Variants in LY75 observed in about 807,000 individuals in gnomAD.
The protein encoded by LY75 is C-type lectin domain family 13 member B.
LY75 carries 185 observed loss-of-function variants against 231.7 expected under a neutral mutation model. The observed-to-expected ratio is 0.80, with a 90% confidence interval of 0.71 to 0.90. The LOEUF is 0.90. Ranked by LOEUF, LY75 falls within the 40% of genes least tolerant of loss-of-function variation. The pLI is 0.00. For missense variants in LY75, 1,947 were observed against 2,050.2 expected (o/e 0.95, Z 0.97); for synonymous variants, 668 against 689.0 (o/e 0.97, Z 0.48).
chr2:159,868,954 G>C (rs1316053260), intron 13 of LY75, among the ~76,000 whole-genome samples: 1 of 152,124 alleles, frequency 6.6e-6, no homozygotes, highest in Non-Finnish European at 1.5e-5. Flanking sequence ...ATACACCATG[G>C]AATACTATGC....
chr2:159,885,924 G>A (rs1314062894), intron 5 of LY75, among the ~76,000 whole-genome samples: 1 of 152,056 alleles, frequency 6.6e-6, no homozygotes, highest in Non-Finnish European at 1.5e-5. Flanking sequence ...TGGCTAAGTG[G>A]CATTTTGCTT....
At chr2:159,857,442 T>C (rs1312941300) in intron 16 of LY75, among the ~76,000 whole-genome samples, 1 of 152,238 alleles carries the variant, frequency 6.6e-6, no homozygotes, top group Non-Finnish European at 1.5e-5. Context: ...AGCCAATCTC[T>C]GCTTAAAAAT....
intron 23 of LY75, among the ~76,000 whole-genome samples, chr2:159,842,696 T>C (rs1263916596): frequency 6.6e-6 from 1 of 152,160 alleles, no homozygotes; most frequent in Non-Finnish European, 1.5e-5. Flanking sequence ...TTAATTCAAC[T>C]TATTAGATTT....
At chr2:159,865,009 A>C in intron 13 of LY75, 89 bp from the exon 14 acceptor site, 1 of 1,200,086 alleles carries the variant, frequency 8.3e-7, no homozygotes, top group Non-Finnish European at 1.1e-6. Context: ...ACTAATTGAA[A>C]AGCACAGTTT....
chr2:159,899,571 C>T (rs752652521), intron 1 of LY75, among the ~76,000 whole-genome samples: 3 of 152,142 alleles, frequency 2.0e-5, no homozygotes, highest in Non-Finnish European at 1.5e-5. Flanking sequence ...CATGAAAAGT[C>T]GATGCTTAAC....
chr2:159,873,287 C>A (rs1343745256), intron 12 of LY75, among the ~76,000 whole-genome samples: 1 of 152,294 alleles, frequency 6.6e-6, no homozygotes, highest in Non-Finnish European at 1.5e-5. Context: ...CTTGCCACAG[C>A]CCCCTGGTGG....
intron 1 of LY75, 40 bp downstream of exon 1, chr2:159,904,549 G>C (rs1336407318): frequency 6.7e-7 from 1 of 1,496,522 alleles, no homozygotes; most frequent in Non-Finnish European, 8.9e-7. Context: ...GTGGCGTCGA[G>C]GCACCCAGCG....
At chr2:159,876,259 G>A (rs916235139) in intron 11 of LY75, among the ~76,000 whole-genome samples, 9 of 152,182 alleles carry the variant, frequency 5.9e-5, no homozygotes, top group South Asian at 2.1e-4. Flanking sequence ...CTTGCCCACA[G>A]TCAGAGTTAG....
chr2:159,819,800 A>T lies in LY75; in HGVS notation c.4079T>A (p.Ile1360Asn), dbSNP rs761972051. The T allele has an allele frequency of 6.2e-7, 1 of 1,613,890 alleles. No individual in the cohort carries two copies. Among genetic ancestry groups the T allele is most frequent in the Non-Finnish European group, 8.5e-7 (1 of 1,179,980 alleles). ...AGLSTDGFWD[I>N]QTFKVIEEAV... ...TTCTTCAATAACTTTAAAGGTTTGA[A>T]TATCCCAGAAGCCGTCAGTACTTAA... The change falls in exon 29 of 35, where the codon ATT becomes AAT. Residue 1360 changes from isoleucine (I) to asparagine (N), a missense_variant. Coordinates refer to ENST00000263636, the MANE Select transcript of LY75 (RefSeq NM_002349.4).
At chr2:159,878,168 T>C (rs763543537) in intron 11 of LY75, among the ~76,000 whole-genome samples, 156 bp downstream of exon 11, 7 of 152,212 alleles carry the variant, frequency 4.6e-5, no homozygotes, top group Non-Finnish European at 8.8e-5. Flanking sequence ...AGGGAAGACA[T>C]AGCCACTGCT....
rs1684488409 is a variant in LY75, at chr2:159,854,437, A to G, written c.2518T>C (p.Cys840Arg). The change falls in exon 18 of 35, where the codon TGT (cysteine) becomes CGT (arginine). Residue 840 changes from cysteine (C) to arginine (R), a missense_variant. By Grantham distance (180) the Cys-to-Arg change is radical. Transcript: ENST00000263636. The stretch of plus-strand genomic sequence containing the variant: ...GCAAGAAAGCTGTGATTGCTGGCAC[A>G]GTACAGGACGGCTTCTTCATAGTTT... Reference protein sequence around the residue: ...HLNYEEAVLYCASNHSFLATI... With the variant: ...HLNYEEAVLYRASNHSFLATI... The G allele has an allele frequency of 3.2e-6, 5 of 1,586,174 alleles. No homozygotes were observed. The highest frequency in any genetic ancestry group is 4.3e-6 in the Non-Finnish European group (5 of 1,162,692).
At chr2:159,836,858 C>T (rs1055252835) in intron 25 of LY75, among the ~76,000 whole-genome samples, 3 of 152,216 alleles carry the variant, frequency 2.0e-5, no homozygotes, top group African/African-American at 7.2e-5. Flanking sequence ...TGCTGCACTC[C>T]CCACCTAACC....
At chr2:159,894,243 T>C (rs1685843907) in intron 2 of LY75, 159 bp from the exon 3 acceptor site, 1 of 498,862 alleles carries the variant, frequency 2.0e-6, no homozygotes, top group Non-Finnish European at 2.6e-6. Flanking sequence ...TGGATATGAA[T>C]GCTGGCTCCC....
At chr2:159,808,040 C>G (rs1320781496) in intron 33 of LY75, 24 of 950,596 alleles carry the variant, frequency 2.5e-5, no homozygotes, top group Non-Finnish European at 2.8e-5. Context: ...AAGGGAATAA[C>G]AAGAAGATAA....
At chr2:159,833,825 G>A (rs950282595) in intron 27 of LY75, among the ~76,000 whole-genome samples, 2 of 152,100 alleles carry the variant, frequency 1.3e-5, no homozygotes, top group African/African-American at 4.8e-5. Context: ...TAAGTCTTAT[G>A]AGATCTGATG....
chr2:159,829,293 T>C (rs1354354898), intron 28 of LY75, among the ~76,000 whole-genome samples: 1 of 152,188 alleles, frequency 6.6e-6, no homozygotes, highest in Non-Finnish European at 1.5e-5. Flanking sequence ...TGCCTTCCAG[T>C]TCCTCTTCCC....
intron 29 of LY75, among the ~76,000 whole-genome samples, chr2:159,818,630 G>T (rs1439886889): frequency 1.3e-5 from 2 of 152,178 alleles, no homozygotes; most frequent in Non-Finnish European, 1.5e-5. Flanking sequence ...TTTAGTTAAA[G>T]ATAATAATGG....
chr2:159,871,255 T>G (rs369364387), intron 13 of LY75, among the ~76,000 whole-genome samples: 1 of 152,126 alleles, frequency 6.6e-6, no homozygotes, highest in South Asian at 2.1e-4. Context: ...GATGATCACA[T>G]GACTTGTGAT....
At chr2:159,815,721 AG>A in intron 30 of LY75, 148 bp from the exon 31 acceptor site, 1 of 992,200 alleles carries the variant, frequency 1.0e-6, no homozygotes, top group Non-Finnish European at 1.4e-6. Context: ...CTATTATTGT[AG>A]GTCTGATTTA....
Sources: allele counts gnomAD v4.1 joint callset (sites outside exome capture counted in the v4.1 genomes callset), GRCh38; gene constraint gnomAD v4.1.1; transcripts MANE v1.5; gene names NCBI Gene and HGNC (gene_info 2026-07-23, HGNC 2026-07-21).